Variants in TLN2 observed in about 807,000 individuals in gnomAD.
TLN2 encodes talin 2, also known as talin-2.
A neutral mutation model predicts 294.7 loss-of-function variants in TLN2; 118 were observed. That is an observed-to-expected ratio of 0.40 (90% CI 0.34 to 0.47). The LOEUF (loss-of-function observed/expected upper bound fraction) is 0.47, where lower values mean the gene tolerates loss of function less well. TLN2 is among the 20% of genes least tolerant of loss of function. The probability of loss-of-function intolerance (pLI) is 0.84; values close to 1 mark genes in which losing one functional copy is unlikely to be tolerated. For synonymous variants in TLN2, 1,431 were observed against 1,304.5 expected (o/e 1.10, Z -2.09); for missense variants, 3,083 against 3,282.2 (o/e 0.94, Z 1.48).
chr15:62,791,095 AAGGTGGGCGGATCACTTG>A (rs1596005123), intron 45 of TLN2, among the ~76,000 whole-genome samples: 1 of 152,172 alleles, frequency 6.6e-6, no homozygotes, highest in South Asian at 2.1e-4. Context: ...TTGGGAGGCC[AAGGTGGGCGGATCACTTG>A]AGGTGGACGG....
At chr15:62,702,412 G>C (rs1214677508) in intron 18 of TLN2, among the ~76,000 whole-genome samples, 1 of 152,140 alleles carries the variant, frequency 6.6e-6, no homozygotes, top group Non-Finnish European at 1.5e-5. Context: ...CCCCCTCAAG[G>C]GTACTTGAGT....
chr15:62,595,690 G>T (rs555469597), intron 2 of TLN2, among the ~76,000 whole-genome samples: 75 of 152,306 alleles, frequency 4.9e-4, no homozygotes, highest in African/African-American at 1.7e-3. Context: ...AATAGATAAA[G>T]AAAATGTGGT....
intron 1 of TLN2, among the ~76,000 whole-genome samples, chr15:62,536,482 A>G (rs2140510527): frequency 6.6e-6 from 1 of 152,298 alleles, no homozygotes; most frequent in East Asian, 1.9e-4. Context: ...ATTAGTACAT[A>G]TTGATTATTG....
At chr15:62,578,020 A>T (rs576366826) in intron 1 of TLN2, among the ~76,000 whole-genome samples, 13 of 152,316 alleles carry the variant, frequency 8.5e-5, no homozygotes, top group African/African-American at 3.1e-4. Flanking sequence ...AAAGGACATG[A>T]ACTCATCCTT....
chr15:62,437,422 T>G (rs970734809), intron 1 of TLN2, among the ~76,000 whole-genome samples: 3 of 152,082 alleles, frequency 2.0e-5, no homozygotes, highest in Non-Finnish European at 4.4e-5. Flanking sequence ...ACCTTTTTTT[T>G]TTTGTAGTCA....
chr15:62,708,830 G>C (rs79042016), intron 21 of TLN2, 34 bp downstream of exon 21: 1 of 1,570,398 alleles, frequency 6.4e-7, no homozygotes, highest in African/African-American at 1.3e-5. Flanking sequence ...GTGGATGGGT[G>C]GCTTTTGATG....
chr15:62,698,917 G>A (rs762794595), intron 16 of TLN2, 50 bp downstream of exon 16: 4 of 1,533,416 alleles, frequency 2.6e-6, no homozygotes, highest in South Asian at 1.1e-5. Context: ...CTGGCAGAAA[G>A]CAGGGTTATA....
intron 9 of TLN2, among the ~76,000 whole-genome samples, chr15:62,664,857 CAAAAAAA>C (rs10634187): frequency 1.0e-4 from 3 of 29,212 alleles, no homozygotes; most frequent in South Asian, 4.7e-3. Context: ...GAAACTGTCT[CAAAAAAA>C]AAAAAAAAAA....
At position 62,414,164 on chromosome 15, in the gene TLN2, C is replaced by CAATATATA. The variant is rs1273620699; in HGVS notation, c.-238+23479_-238+23480insAATATATA. ...AGTGAAGTGTTAGCAAAAAAAAAAA[C>CAATATATA]TATATATATATATATATATATATAT... On this transcript the variant is annotated intron_variant, in intron 1 of 58. Transcript: ENST00000636159. 3.6e-3 allele frequency among the ~76,000 whole-genome samples: 323 copies of CAATATATA among 90,600 alleles called. 30 individuals carry two copies. The highest frequency in any genetic ancestry group is 9.9e-3 in the African/African-American group (263 of 26,472). 59.4% of individuals were successfully genotyped at this position (90,600 alleles called of 152,430 possible).
rs1039183096 is a variant in TLN2 at position 62,739,497 on chromosome 15, T to G, written c.3837T>G (p.Asp1279Glu). The stretch of plus-strand genomic sequence containing the variant: ...CAGCCTCTGGAAAGTTCAGTGATGA[T>G]TTTGATGAATTCCTCGATGCTGGCA... Reference protein sequence around the residue: ...LAAASGKFSDDFDEFLDAGIE... With the variant: ...LAAASGKFSDEFDEFLDAGIE... Residue 1279 changes from aspartate (D) to glutamate (E), a missense_variant, in exon 31 of 59, where the codon GAT becomes GAG. Asp to Glu is a conservative substitution (Grantham distance 45). Coordinates refer to ENST00000636159, the MANE Select transcript of TLN2 (RefSeq NM_015059.3). 1 of 1,614,030 alleles carries G rather than the reference T, an allele frequency of 6.2e-7. No homozygotes were observed. The highest frequency in any genetic ancestry group is 1.7e-5 in the Admixed American group (1 of 60,000).
At chr15:62,658,748 T>G (rs2053503725) in intron 9 of TLN2, among the ~76,000 whole-genome samples, 1 of 152,166 alleles carries the variant, frequency 6.6e-6, no homozygotes, top group African/African-American at 2.4e-5. Flanking sequence ...CTCGGGAAGC[T>G]TCCCCTTCTC....
intron 3 of TLN2, among the ~76,000 whole-genome samples, chr15:62,644,142 C>T (rs1004554763): frequency 6.6e-6 from 1 of 151,678 alleles, no homozygotes; most frequent in African/African-American, 2.4e-5. Context: ...ACTCCAGGCT[C>T]TCCCCCGCGC....
intron 32 of TLN2, among the ~76,000 whole-genome samples, chr15:62,742,920 C>T (rs1019937407): frequency 2.6e-5 from 4 of 152,192 alleles, no homozygotes; most frequent in African/African-American, 9.6e-5. Context: ...GGGGTTCATT[C>T]ATTCATTGTC....
intron 1 of TLN2, among the ~76,000 whole-genome samples, chr15:62,539,742 A>G (rs956127129): frequency 6.6e-6 from 1 of 152,062 alleles, no homozygotes; most frequent in African/African-American, 2.4e-5. Context: ...TCATTGGGAG[A>G]GATTTCTAAT....
chr15:62,498,285 A>G (rs1388520909), intron 1 of TLN2, among the ~76,000 whole-genome samples: 1 of 152,072 alleles, frequency 6.6e-6, no homozygotes, highest in African/African-American at 2.4e-5. Context: ...TTTGCTAAGT[A>G]TCTCTTCATG....
At chr15:62,672,615 C>T (rs1416575819) in intron 9 of TLN2, among the ~76,000 whole-genome samples, 1 of 152,134 alleles carries the variant, frequency 6.6e-6, no homozygotes, top group Non-Finnish European at 1.5e-5. Flanking sequence ...CTGATACTGG[C>T]TCCAGTATTA....
chr15:62,499,054 A>G (rs28669024), intron 1 of TLN2, among the ~76,000 whole-genome samples: 1,867 of 152,312 alleles, frequency 0.012, 39 homozygotes, highest in African/African-American at 0.043. Flanking sequence ...TGTGGACTTT[A>G]TGGAAGTCTC....
chr15:62,628,773 CTT>C (rs2049512774), intron 3 of TLN2, among the ~76,000 whole-genome samples: 1 of 152,240 alleles, frequency 6.6e-6, no homozygotes, highest in Non-Finnish European at 1.5e-5. Context: ...TGCCCTGTAC[CTT>C]CTTCCACTCT....
chr15:62,399,257 A>AAAC (rs1491314177), intron 1 of TLN2, among the ~76,000 whole-genome samples: 11 of 24,024 alleles, frequency 4.6e-4, no homozygotes, highest in Non-Finnish European at 7.5e-4. Context: ...CGTCTCAAAC[A>AAAC]AAAAAAAAAA....
Sources: allele counts gnomAD v4.1 joint callset (sites outside exome capture counted in the v4.1 genomes callset), GRCh38; gene constraint gnomAD v4.1.1; transcripts MANE v1.5; gene names NCBI Gene and HGNC (gene_info 2026-07-23, HGNC 2026-07-21).